The following SKAP1 variants were observed in gnomAD, a reference collection of about 807,000 sequenced individuals.
SKAP1 encodes the protein src kinase-associated phosphoprotein 1.
SKAP1 carries 44 observed loss-of-function variants against 58.5 expected under a neutral mutation model. That is an observed-to-expected ratio of 0.75 (90% confidence interval 0.59 to 0.97). The LOEUF (loss-of-function observed/expected upper bound fraction) is 0.97, where lower values mean the gene tolerates loss of function less well. Ranked by LOEUF, SKAP1 falls within the 50% of genes least tolerant of loss-of-function variation. The pLI is 0.00. For synonymous variants in SKAP1, 127 were observed against 149.7 expected (o/e 0.85, Z 1.11); for missense variants, 390 against 435.2 (o/e 0.90, Z 0.92).
chr17:48,344,215 TAG>T, intron 4 of SKAP1: 1 of 446,794 alleles, frequency 2.2e-6, no homozygotes, highest in Non-Finnish European at 3.0e-6. Flanking sequence ...ATTTTATTTA[TAG>T]ATTTTGTTTT....
At chr17:48,343,033 T>C (rs2066677289) in intron 4 of SKAP1, among the ~76,000 whole-genome samples, 2 of 152,250 alleles carry the variant, frequency 1.3e-5, no homozygotes, top group South Asian at 4.1e-4. Context: ...TCTTCATAAA[T>C]AATTGACTTA....
At chr17:48,414,037 C>CA (rs1275342878) in intron 1 of SKAP1, among the ~76,000 whole-genome samples, 1 of 152,140 alleles carries the variant, frequency 6.6e-6, no homozygotes, top group Non-Finnish European at 1.5e-5. Flanking sequence ...ATTTATTCTT[C>CA]AAGAAATATT....
intron 2 of SKAP1, among the ~76,000 whole-genome samples, chr17:48,396,063 T>C (rs1162343533): frequency 6.6e-6 from 1 of 152,222 alleles, no homozygotes. Flanking sequence ...TTTCAAGCAA[T>C]AGGTGGTCAG....
At chr17:48,243,636 G>A (rs973692276) in intron 4 of SKAP1, among the ~76,000 whole-genome samples, 6 of 152,106 alleles carry the variant, frequency 3.9e-5, no homozygotes, top group Admixed American at 3.9e-4. Context: ...AATTTAATCT[G>A]TACTAATGGG....
At chr17:48,137,982 T>C (rs1336152944) in intron 11 of SKAP1, among the ~76,000 whole-genome samples, 2 of 152,186 alleles carry the variant, frequency 1.3e-5, no homozygotes, top group East Asian at 1.9e-4. Context: ...CTGAAAGTGT[T>C]TGATACATAG....
chr17:48,253,857 AAAT>A (rs926076695), intron 4 of SKAP1, among the ~76,000 whole-genome samples: 3 of 152,194 alleles, frequency 2.0e-5, no homozygotes, highest in Non-Finnish European at 2.9e-5. Context: ...ACACAGTAAA[AAAT>A]AATAATAAGA....
intron 4 of SKAP1, among the ~76,000 whole-genome samples, chr17:48,318,931 C>T (rs1173508473): frequency 2.6e-5 from 4 of 152,278 alleles, no homozygotes; most frequent in South Asian, 4.2e-4. Context: ...TATTCAAAGG[C>T]TCGAGAATTC....
At chr17:48,196,972 C>T (rs2064640983) in intron 4 of SKAP1, among the ~76,000 whole-genome samples, 1 of 152,168 alleles carries the variant, frequency 6.6e-6, no homozygotes, top group Non-Finnish European at 1.5e-5. Context: ...AAAAATGCTG[C>T]TTGGGGCTGG....
rs529287119 is a variant in SKAP1 at position 48,370,968 on chromosome 17, G to A, written c.153-7154C>T. ...CAGCCATAATAAACAATGAAATCAC[G>A]TCCTTTTCAACAAGATGGATGCAGC... On this transcript the variant is annotated intron_variant, in intron 2 of 12. Transcript: ENST00000336915. 2.6e-5 allele frequency among the ~76,000 whole-genome samples: 4 copies of A among 152,142 alleles called. No individual in the cohort carries two copies. The East Asian group carries it at 5.8e-4, about 22-fold the overall frequency.
At chr17:48,417,582 T>G (rs547684353) in intron 1 of SKAP1, among the ~76,000 whole-genome samples, 47 of 152,074 alleles carry the variant, frequency 3.1e-4, no homozygotes, top group African/African-American at 1.1e-3. Flanking sequence ...CTGTCTCTAC[T>G]AAAAATACAA....
chr17:48,193,563 G>A (rs1363026456), intron 4 of SKAP1: 1 of 330,498 alleles, frequency 3.0e-6, no homozygotes, highest in Non-Finnish European at 4.3e-6. Flanking sequence ...TCTCAATGTA[G>A]TTGGCTCTGA....
At chr17:48,401,237 C>T (rs1314729938) in intron 1 of SKAP1, among the ~76,000 whole-genome samples, 1 of 151,658 alleles carries the variant, frequency 6.6e-6, no homozygotes, top group African/African-American at 2.4e-5. Context: ...ACCTGGGAGG[C>T]CGAGGTTGCA....
intron 1 of SKAP1, among the ~76,000 whole-genome samples, chr17:48,400,345 C>T (rs1233119608): frequency 6.6e-6 from 1 of 152,012 alleles, no homozygotes; most frequent in Non-Finnish European, 1.5e-5. Context: ...GTGATCCACC[C>T]GCCTGGGCCT....
chr17:48,188,498 G>A (rs1246102061), intron 5 of SKAP1, among the ~76,000 whole-genome samples: 1 of 151,588 alleles, frequency 6.6e-6, no homozygotes, highest in Non-Finnish European at 1.5e-5. Context: ...ACCAGCCTGG[G>A]CAACAAAGTG....
chr17:48,441,323 A>T, the SKAP1 span, among the ~76,000 whole-genome samples: 1 of 152,134 alleles, frequency 6.6e-6, no homozygotes, highest in East Asian at 1.9e-4. Context: ...ACTAGCCTGG[A>T]TGTCCCTGGG....
At chr17:48,137,114 A>G (rs12600464) in intron 12 of SKAP1, 115 bp downstream of exon 12, 92,763 of 616,522 alleles carry the variant, frequency 0.15, 9,613 homozygotes, top group East Asian at 0.45. Context: ...TAGCATTAGT[A>G]TGAGAAATGA....
chr17:48,317,470 A>G (rs960349948), intron 4 of SKAP1, among the ~76,000 whole-genome samples: 12 of 152,206 alleles, frequency 7.9e-5, no homozygotes, highest in Non-Finnish European at 1.8e-4. Flanking sequence ...AAAGTGCTCA[A>G]AGGTTTGGAC....
chr17:48,319,891 T>C (rs1031218743), intron 4 of SKAP1, among the ~76,000 whole-genome samples: 1 of 152,068 alleles, frequency 6.6e-6, no homozygotes, highest in Non-Finnish European at 1.5e-5. Flanking sequence ...TCCTCTCTTT[T>C]AATAAAAATT....
Position 48,430,113 on chromosome 17 carries a change from G to C in SKAP1, c.8C>G (p.Ala3Gly). 1 of 1,262,064 alleles carries C rather than the reference G, an allele frequency of 7.9e-7. No individual in the cohort carries two copies. The highest frequency in any genetic ancestry group is 1.0e-6 in the Non-Finnish European group (1 of 995,770). The allele number at this position is 1,262,064 out of a possible 1,614,324, so 78.2% of individuals were successfully genotyped here. The change falls in exon 1 of 13, where the codon GCC becomes GGC. Residue 3 changes from alanine to glycine, a missense_variant. Physicochemically the swap from Ala to Gly is moderately conservative, Grantham distance 60. Transcript: ENST00000336915. Reference sequence around the variant, plus strand: ...ACGGATCTCCTCAGGGAGGGCGGCGGCCTGCATTTGGCTGGGCGGGAGAGA... The same window carrying C: ...ACGGATCTCCTCAGGGAGGGCGGCGCCCTGCATTTGGCTGGGCGGGAGAGA... The part of the protein sequence containing the change: MQ[A>G]AALPEEIRWL...
Sources: gnomAD v4.1 joint callset for allele counts (sites outside exome capture counted in the v4.1 genomes callset) on GRCh38, gnomAD v4.1.1 for gene constraint, MANE v1.5 for transcripts, NCBI Gene and HGNC (gene_info 2026-07-23, HGNC 2026-07-21) for gene names.